PPP1R12A: variants seen among roughly 807,000 people sequenced by gnomAD.
The protein encoded by PPP1R12A is myosin binding subunit.
PPP1R12A carries 19 observed loss-of-function variants against 139.6 expected under a neutral mutation model. The observed-to-expected ratio is 0.14, with a 90% confidence interval of 0.09 to 0.20. The LOEUF (loss-of-function observed/expected upper bound fraction) is 0.20, where lower values mean the gene tolerates loss of function less well. Among genes scored for constraint, PPP1R12A ranks in the 10% least tolerant of loss-of-function variants. The pLI is 1.00. For synonymous variants in PPP1R12A, 427 were observed against 420.6 expected, an observed-to-expected ratio of 1.02 and a Z score of -0.19; for missense variants, 925 against 1,211.5, an observed-to-expected ratio of 0.76 and a Z score of 3.51.
intron 1 of PPP1R12A, among the ~76,000 whole-genome samples, chr12:79,906,238 A>T (rs1438714929): frequency 6.6e-6 from 1 of 152,202 alleles, no homozygotes; most frequent in African/African-American, 2.4e-5. Flanking sequence ...ATAAAAACTT[A>T]AAAAATCAGC....
At chr12:79,910,430 G>C (rs372432581) in intron 1 of PPP1R12A, among the ~76,000 whole-genome samples, 5 of 151,608 alleles carry the variant, frequency 3.3e-5, no homozygotes, top group African/African-American at 1.2e-4. Flanking sequence ...GCAGTGAGCC[G>C]AGACGGCGCC....
chr12:79,934,470 G>T (rs571362488), intron 1 of PPP1R12A, among the ~76,000 whole-genome samples: 4 of 152,266 alleles, frequency 2.6e-5, no homozygotes, highest in African/African-American at 9.6e-5. Flanking sequence ...GAAATCACCC[G>T]GTTCCCAACT....
chr12:79,802,703 C>A (rs1367503463), intron 14 of PPP1R12A, among the ~76,000 whole-genome samples: 1 of 152,016 alleles, frequency 6.6e-6, no homozygotes, highest in African/African-American at 2.4e-5. Flanking sequence ...ATCGCTTGAG[C>A]CCAGGAGGTC....
At chr12:79,789,342 C>T (rs4842271) in intron 20 of PPP1R12A, among the ~76,000 whole-genome samples, 121,640 of 152,084 alleles carry the variant, frequency 0.8, 50,558 homozygotes, top group Non-Finnish European at 0.92. Flanking sequence ...AAATTGTACA[C>T]TTCCTCCCAC....
intron 22 of PPP1R12A, 43 bp from the exon 23 acceptor site, chr12:79,781,905 A>G: frequency 8.2e-7 from 1 of 1,221,390 alleles, no homozygotes; most frequent in Non-Finnish European, 1.2e-6. Flanking sequence ...AGTGCAAAAA[A>G]GTTCAGGGGT....
intron 9 of PPP1R12A, among the ~76,000 whole-genome samples, chr12:79,813,791 T>A (rs1263039208): frequency 6.6e-6 from 1 of 152,192 alleles, no homozygotes; most frequent in East Asian, 1.9e-4. Context: ...AGTAAACACA[T>A]CTATCTTTCA....
At chr12:79,830,222 C>T (rs1284710296) in intron 4 of PPP1R12A, among the ~76,000 whole-genome samples, 1 of 152,050 alleles carries the variant, frequency 6.6e-6, no homozygotes, top group Non-Finnish European at 1.5e-5. Flanking sequence ...GATCCTTACA[C>T]AATGATTTCA....
intron 8 of PPP1R12A, 60 bp from the exon 9 acceptor site, chr12:79,817,578 G>GA (rs1200028567): frequency 2.2e-5 from 32 of 1,432,302 alleles, no homozygotes; most frequent in Middle Eastern, 2.1e-4. Context: ...CAATGGCTGG[G>GA]AAAAAATCAT....
intron 1 of PPP1R12A, among the ~76,000 whole-genome samples, chr12:79,898,683 A>C (rs1885354652): frequency 6.6e-6 from 1 of 152,128 alleles, no homozygotes; most frequent in Non-Finnish European, 1.5e-5. Context: ...TTCATGTTGC[A>C]ATATTTTGCC....
intron 21 of PPP1R12A, chr12:79,787,889 T>G (rs1225998710): frequency 6.6e-6 from 1 of 152,252 alleles, no homozygotes; most frequent in East Asian, 1.9e-4. Flanking sequence ...TCTCCATTAT[T>G]TATTATACAG....
At chr12:79,886,996 C>T (rs1884164607) in intron 1 of PPP1R12A, among the ~76,000 whole-genome samples, 2 of 152,036 alleles carry the variant, frequency 1.3e-5, no homozygotes, top group Admixed American at 6.6e-5. Flanking sequence ...ATTAGGGATA[C>T]AAAATAAATT....
At chr12:79,822,620 C>G (rs1416745574) in intron 5 of PPP1R12A, among the ~76,000 whole-genome samples, 2 of 152,162 alleles carry the variant, frequency 1.3e-5, no homozygotes, top group African/African-American at 4.8e-5. Context: ...CTCTATAGGT[C>G]TACCTATGCT....
In PPP1R12A at chr12:79,807,209, A is replaced by G. The variant is rs1187728900; in HGVS notation, c.1655+17T>C. ...ATAAATGAATACATAAAAACCGCTTAAGAATAGTATTATTACCTTTTATGA... is the reference window on the plus strand; with the variant it reads ...ATAAATGAATACATAAAAACCGCTTGAGAATAGTATTATTACCTTTTATGA... On this transcript the variant is annotated intron_variant, in intron 12 of 24. Transcript: ENST00000450142. 3 of 1,407,614 alleles carry G rather than the reference A, an allele frequency of 2.1e-6. No individual in the cohort carries two copies. The highest frequency in any genetic ancestry group is 4.5e-5 in the Admixed American group (2 of 44,844). 87.2% of individuals were successfully genotyped at this position (1,407,614 alleles called of 1,614,324 possible). A position where few individuals can be genotyped will look rare whatever the true frequency, so the allele number is the denominator to read the frequency against.
chr12:79,842,575 T>TTGTG (rs148792533), intron 3 of PPP1R12A, among the ~76,000 whole-genome samples: 10,288 of 143,832 alleles, frequency 0.072, 607 homozygotes, highest in African/African-American at 0.15. Context: ...ATGTGGCACT[T>TTGTG]TGTGTGTGTG....
At chr12:79,779,497 A>T (rs983293315) in intron 23 of PPP1R12A, 2 of 576,538 alleles carry the variant, frequency 3.5e-6, no homozygotes, top group Admixed American at 5.1e-5. Flanking sequence ...ATGTGATTTT[A>T]AAAAGTAGAC....
At chr12:79,932,402 A>G (rs778200631) in intron 1 of PPP1R12A, among the ~76,000 whole-genome samples, 1 of 152,242 alleles carries the variant, frequency 6.6e-6, no homozygotes, top group Non-Finnish European at 1.5e-5. Context: ...TTGATAAATA[A>G]GAAATGAGAG....
chr12:79,799,946 T>G (rs1050832065), intron 14 of PPP1R12A, among the ~76,000 whole-genome samples: 1 of 152,042 alleles, frequency 6.6e-6, no homozygotes, highest in Non-Finnish European at 1.5e-5. Flanking sequence ...AGATCAAGGC[T>G]GCAGTGAGCT....
intron 1 of PPP1R12A, among the ~76,000 whole-genome samples, chr12:79,880,192 G>T (rs1883499643): frequency 1.3e-5 from 2 of 152,038 alleles, no homozygotes; most frequent in African/African-American, 4.8e-5. Flanking sequence ...TCACATAAGG[G>T]CCATAATAGC....
chr12:79,837,048 T>C (rs1878172187), intron 3 of PPP1R12A, among the ~76,000 whole-genome samples: 1 of 152,232 alleles, frequency 6.6e-6, no homozygotes, highest in Non-Finnish European at 1.5e-5. Flanking sequence ...GTGTTAATTA[T>C]CATTATCAGT....
Sources: gnomAD v4.1 joint callset for allele counts (sites outside exome capture counted in the v4.1 genomes callset) on GRCh38, gnomAD v4.1.1 for gene constraint, MANE v1.5 for transcripts, NCBI Gene and HGNC (gene_info 2026-07-23, HGNC 2026-07-21) for gene names.